SLC4A5: variants seen among roughly 807,000 people sequenced by gnomAD.
SLC4A5 encodes electrogenic sodium bicarbonate cotransporter 4.
A neutral mutation model predicts 120.4 loss-of-function variants in SLC4A5; 96 were observed. That is an observed-to-expected ratio of 0.80 (90% CI 0.68 to 0.94). The LOEUF (loss-of-function observed/expected upper bound fraction) is 0.94. SLC4A5 is among the 40% of genes least tolerant of loss of function. The pLI, the probability that SLC4A5 is intolerant of heterozygous loss-of-function variation, is 0.00. For missense variants in SLC4A5, 1,259 were observed against 1,459.5 expected, an observed-to-expected ratio of 0.86 and a Z score of 2.24; for synonymous variants, 550 against 571.1, an observed-to-expected ratio of 0.96 and a Z score of 0.53.
rs148023215 is a variant in SLC4A5 at position 74,313,251 on chromosome 2, A to C, written c.79+1694T>G. ...TCTCTCATCTCTGAGTGTATAAATT[A>C]TATCCCTTAAAAAATTCTAGTGTTT... On this transcript the variant is annotated intron_variant, in intron 6 of 30. Coordinates refer to ENST00000394019, the Ensembl canonical transcript of SLC4A5. 6.4e-3 allele frequency among the ~76,000 whole-genome samples: 970 copies of C among 152,188 alleles called. 16 individuals are homozygous for C. The highest frequency in any genetic ancestry group is 0.021 in the African/African-American group (855 of 41,520).
intron 8 of SLC4A5, among the ~76,000 whole-genome samples, chr2:74,273,436 T>C (rs1401112778): frequency 2.6e-5 from 4 of 152,224 alleles, no homozygotes; most frequent in African/African-American, 9.6e-5. Flanking sequence ...TCATGAAGTT[T>C]ACTCAGCTAA....
At chr2:74,248,467 A>G in exon 18 of SLC4A5, 1 of 1,614,146 alleles carries the variant, frequency 6.2e-7, no homozygotes, top group Non-Finnish European at 8.5e-7. Flanking sequence ...GGCAGTGCCC[A>G]GGAAGCTCTC....
rs1438156413 is a variant in SLC4A5 at position 74,252,462 on chromosome 2, T to C, written c.1269-74A>G. The C allele has an allele frequency of 3.3e-5, 50 of 1,537,542 alleles. No individual in the cohort carries two copies. The Middle Eastern group carries it at 7.3e-4, about 22-fold the overall frequency. On this transcript the variant is annotated intron_variant, in intron 15 of 30. Transcript: ENST00000394019. Reference sequence around the variant, plus strand: ...CACCTCTCCAACCAAAATTATGAAATATCTTAAAAGACAGACAAAAATGCA... The same window carrying C: ...CACCTCTCCAACCAAAATTATGAAACATCTTAAAAGACAGACAAAAATGCA...
At chr2:74,307,454 CT>C in intron 6 of SLC4A5, 1 of 629,440 alleles carries the variant, frequency 1.6e-6, no homozygotes, top group Non-Finnish European at 3.0e-6. Flanking sequence ...CATCAATGAC[CT>C]TGTGGAGCCC....
intron 1 of SLC4A5, 112 bp from the exon 2 acceptor site, chr2:74,342,646 G>A (rs139704131): frequency 6.6e-6 from 1 of 152,128 alleles, no homozygotes; most frequent in African/African-American, 2.4e-5. Flanking sequence ...CTTTTTTAAG[G>A]AAAGCCAGCT....
intron 28 of SLC4A5, 70 bp from the exon 29 acceptor site, chr2:74,223,022 T>TG: frequency 1.0e-6 from 1 of 996,640 alleles, no homozygotes; most frequent in Non-Finnish European, 1.5e-6. Flanking sequence ...TTTTTTTTTT[T>TG]GAGACAGAGT....
At chr2:74,319,909 AGAG>A (rs1673054973) in intron 5 of SLC4A5, among the ~76,000 whole-genome samples, 1 of 152,210 alleles carries the variant, frequency 6.6e-6, no homozygotes, top group South Asian at 2.1e-4. Context: ...AGACCAAATT[AGAG>A]GAAATCACAA....
chr2:74,288,453 C>T (rs1672054881), intron 7 of SLC4A5, among the ~76,000 whole-genome samples: 1 of 152,174 alleles, frequency 6.6e-6, no homozygotes, highest in Non-Finnish European at 1.5e-5. Context: ...GCTTATCTCT[C>T]TGGAACTTCA....
chr2:74,313,836 G>T (rs1356592962), intron 6 of SLC4A5, among the ~76,000 whole-genome samples: 1 of 152,134 alleles, frequency 6.6e-6, no homozygotes, highest in Non-Finnish European at 1.5e-5. Flanking sequence ...CACCCTTGAG[G>T]CCAGGAATGG....
chr2:74,250,297 G>A (rs1670748664), intron 17 of SLC4A5, 46 bp downstream of exon 17: 1 of 1,583,920 alleles, frequency 6.3e-7, no homozygotes. Context: ...GCCACCAGGT[G>A]GCGGCAGATC....
At chr2:74,254,541 T>C (rs1573030825) in intron 14 of SLC4A5, 78 bp downstream of exon 14, 1 of 1,116,166 alleles carries the variant, frequency 9.0e-7, no homozygotes, top group East Asian at 2.4e-5. Flanking sequence ...GCTGGCTGGA[T>C]AAGTTAATGA....
In SLC4A5 at chr2:74,227,137, G is replaced by C; in HGVS notation, c.2917-7C>G. Reference sequence around the variant, plus strand: ...GCTTGCAGCGTTCCCAGAACTAGGGGGACAGCGGGGGCTCAGCCAGGCAGC... The same window carrying C: ...GCTTGCAGCGTTCCCAGAACTAGGGCGACAGCGGGGGCTCAGCCAGGCAGC... On this transcript the variant is annotated splice_polypyrimidine_tract_variant and splice_region_variant and intron_variant, in intron 26 of 30. Transcript: ENST00000394019. 6.2e-7 allele frequency: 1 copy of C among 1,601,658 alleles called. No individual in the cohort carries two copies. Among genetic ancestry groups the C allele is most frequent in the Non-Finnish European group, 8.5e-7 (1 of 1,173,994 alleles).
intron 3 of SLC4A5, among the ~76,000 whole-genome samples, chr2:74,334,731 T>G (rs1230696537): frequency 6.6e-6 from 1 of 151,654 alleles, no homozygotes; most frequent in Non-Finnish European, 1.5e-5. Context: ...CTTGGACAAC[T>G]TCTTTTTTTT....
intron 29 of SLC4A5, 126 bp from the exon 30 acceptor site, chr2:74,221,627 C>G (rs770082915): frequency 5.0e-5 from 46 of 926,766 alleles, no homozygotes; most frequent in Non-Finnish European, 6.8e-5. Context: ...AAGAGGAATA[C>G]GGGGCCTCAG....
intron 4 of SLC4A5, among the ~76,000 whole-genome samples, chr2:74,331,747 T>G (rs1673371751): frequency 6.6e-6 from 1 of 152,128 alleles, no homozygotes; most frequent in Admixed American, 6.5e-5. Flanking sequence ...TGGGAACTTC[T>G]GTCCTTGCTG....
intron 24 of SLC4A5, 90 bp from the exon 25 acceptor site, chr2:74,231,398 T>G: frequency 2.4e-6 from 3 of 1,239,804 alleles, no homozygotes; most frequent in South Asian, 3.1e-5. Flanking sequence ...ACCTGAAGCT[T>G]GTGTCCAAGG....
chr2:74,248,302 T>C, intron 18 of SLC4A5, 51 bp downstream of exon 18: 10 of 1,604,352 alleles, frequency 6.2e-6, no homozygotes, highest in Non-Finnish European at 8.5e-6. Flanking sequence ...AGCCCCAGCA[T>C]ACTGCCCCAA....
At chr2:74,256,196 G>A (rs1044446234) in intron 12 of SLC4A5, among the ~76,000 whole-genome samples, 19 of 152,278 alleles carry the variant, frequency 1.2e-4, no homozygotes, top group Admixed American at 6.5e-4. Context: ...GGATGAAAAC[G>A]GCTCCACTGA....
chr2:74,314,961 TCTC>T (rs141087445), exon 6 of SLC4A5: 26,851 of 1,613,756 alleles, frequency 0.017, 303 homozygotes, highest in Non-Finnish European at 0.019. Flanking sequence ...GATCCGGAAA[TCTC>T]CTCCTGTGGT....
Sources: allele counts gnomAD v4.1 joint callset (sites outside exome capture counted in the v4.1 genomes callset), GRCh38; gene constraint gnomAD v4.1.1; transcripts MANE v1.5; gene names NCBI Gene and HGNC (gene_info 2026-07-23, HGNC 2026-07-21).